Variants in VPS13D observed in about 807,000 individuals in gnomAD.
VPS13D encodes the protein vacuolar protein sorting 13 homolog D.
VPS13D carries 187 observed loss-of-function variants against 461.9 expected under a neutral mutation model. That is an observed-to-expected ratio of 0.40 (90% CI 0.36 to 0.46). The LOEUF is 0.46. Among genes scored for constraint, VPS13D ranks in the 20% least tolerant of loss-of-function variants. The pLI is 0.60. For missense variants in VPS13D, 4,711 were observed against 5,364.9 expected, an observed-to-expected ratio of 0.88 and a Z score of 3.81; for synonymous variants, 1,951 against 1,986.3, an observed-to-expected ratio of 0.98 and a Z score of 0.47.
chr1:12,459,948 A>ATTT (rs779399019), intron 66 of VPS13D, among the ~76,000 whole-genome samples: 1 of 122,130 alleles, frequency 8.2e-6, no homozygotes, highest in Non-Finnish European at 1.7e-5. Flanking sequence ...CTTTTCTCTG[A>ATTT]TTTTTTTTTT....
At chr1:12,373,932 A>G (rs943143234) in intron 55 of VPS13D, 74 bp downstream of exon 55, 38 of 1,173,336 alleles carry the variant, frequency 3.2e-5, no homozygotes, top group Non-Finnish European at 4.5e-5. Context: ...CACCCAGTGC[A>G]GAGTCCTTAT....
At chr1:12,444,342 T>C (rs998382621) in intron 65 of VPS13D, among the ~76,000 whole-genome samples, 1 of 152,214 alleles carries the variant, frequency 6.6e-6, no homozygotes, top group Non-Finnish European at 1.5e-5. Context: ...TTTTAGTTTC[T>C]ATTAATAATA....
chr1:12,244,894 G>C (rs1044871728), intron 5 of VPS13D, among the ~76,000 whole-genome samples: 1 of 152,112 alleles, frequency 6.6e-6, no homozygotes, highest in Non-Finnish European at 1.5e-5. Flanking sequence ...CTTTCTTTTT[G>C]AATGTTGGAA....
chr1:12,493,951 TG>T (rs1274589036), intron 67 of VPS13D, among the ~76,000 whole-genome samples: 2 of 151,756 alleles, frequency 1.3e-5, no homozygotes, highest in Non-Finnish European at 1.5e-5. Context: ...GATACAGGAG[TG>T]GGGGGAAAAT....
chr1:12,311,346 A>T, intron 27 of VPS13D, 108 bp from the exon 28 acceptor site: 1 of 986,920 alleles, frequency 1.0e-6, no homozygotes, highest in Non-Finnish European at 1.4e-6. Flanking sequence ...GGAATTACCT[A>T]CTTGATAATG....
At chr1:12,404,055 T>TTGTG in intron 63 of VPS13D, 82 bp downstream of exon 63, 15 of 1,344,058 alleles carry the variant, frequency 1.1e-5, no homozygotes, top group Non-Finnish European at 1.3e-5. Context: ...TTGTTTGTTG[T>TTGTG]TGTGTGTGTG....
Position 12,356,414 on chromosome 1 carries a change from C to T in VPS13D, c.9888C>T (p.Phe3296=), listed in dbSNP as rs147123554. 27 of 1,613,734 alleles carry T rather than the reference C, an allele frequency of 1.7e-5. No individual in the cohort carries two copies. Among genetic ancestry groups the T allele is most frequent in the Middle Eastern group, 3.3e-4 (2 of 5,992 alleles). ...TTCCTAAAGGGTTGCCACTGATCTT[C>T]AGACAGGACAATGCCAAGACAGATG... ...LINKTGLPLI[F]RQDNAKTDAA... The change falls in exon 49 of 70, where the codon TTC becomes TTT. Residue 3296 remains phenylalanine (F), a synonymous_variant. Coordinates refer to ENST00000620676, the MANE Select transcript of VPS13D (RefSeq NM_015378.4).
chr1:12,314,051 T>C (rs886291673), intron 29 of VPS13D, 64 bp from the exon 30 acceptor site: 49 of 1,462,842 alleles, frequency 3.3e-5, no homozygotes, highest in African/African-American at 2.2e-4. Context: ...CTCGAACTTA[T>C]ATACTTTTGT....
At chr1:12,447,071 G>A (rs2100363913) in intron 65 of VPS13D, among the ~76,000 whole-genome samples, 1 of 152,288 alleles carries the variant, frequency 6.6e-6, no homozygotes. Flanking sequence ...AAGAACACTG[G>A]AGCCTGACTC....
chr1:12,487,361 A>C (rs540303928), intron 67 of VPS13D, among the ~76,000 whole-genome samples: 10 of 152,284 alleles, frequency 6.6e-5, no homozygotes, highest in African/African-American at 1.9e-4. Context: ...TGTAATCCCC[A>C]GCACTTTGGG....
chr1:12,422,274 A>G (rs1644874001), intron 65 of VPS13D, among the ~76,000 whole-genome samples: 1 of 152,306 alleles, frequency 6.6e-6, no homozygotes, highest in East Asian at 1.9e-4. Flanking sequence ...TTATTTTCAT[A>G]GTGGTTATTT....
intron 20 of VPS13D, among the ~76,000 whole-genome samples, chr1:12,281,967 G>A (rs1324710451): frequency 3.3e-5 from 5 of 150,846 alleles, no homozygotes; most frequent in African/African-American, 1.2e-4. Flanking sequence ...AGCTCACTGT[G>A]TCCTGCACCT....
At chr1:12,378,700 T>A in intron 56 of VPS13D, 109 bp downstream of exon 56, 3 of 1,202,756 alleles carry the variant, frequency 2.5e-6, no homozygotes, top group Non-Finnish European at 3.3e-6. Flanking sequence ...AAATGTATAT[T>A]TTTTTCAATG....
At chr1:12,454,355 G>C (rs990291314) in intron 65 of VPS13D, among the ~76,000 whole-genome samples, 1 of 152,224 alleles carries the variant, frequency 6.6e-6, no homozygotes, top group Non-Finnish European at 1.5e-5. Flanking sequence ...TTGCAGCGTC[G>C]TGTGGTGTTT....
intron 5 of VPS13D, among the ~76,000 whole-genome samples, chr1:12,245,740 A>G (rs1640530435): frequency 6.6e-6 from 1 of 151,608 alleles, no homozygotes; most frequent in African/African-American, 2.4e-5. Flanking sequence ...TTAAAAAAAA[A>G]ATAATAATTT....
chr1:12,273,367 T>C (rs1459013610), intron 18 of VPS13D, among the ~76,000 whole-genome samples: 1 of 152,218 alleles, frequency 6.6e-6, no homozygotes. Context: ...TTACATAACA[T>C]TTTAAGACCT....
chr1:12,497,859 G>T (rs1645981379), intron 68 of VPS13D, among the ~76,000 whole-genome samples: 1 of 152,214 alleles, frequency 6.6e-6, no homozygotes, highest in Non-Finnish European at 1.5e-5. Context: ...TGGCCTTAGT[G>T]TTTTGTTTCT....
rs759690419 is a variant in VPS13D, at chr1:12,412,935, ACTC to A, written c.12031-2149_12031-2147del. On this transcript the variant is annotated intron_variant, in intron 63 of 69. Coordinates refer to ENST00000620676, the MANE Select transcript of VPS13D (RefSeq NM_015378.4). Reference sequence around the variant, plus strand: ...GACTTGGTATACAGAATATATAAGAACTCCTACAAAGCAGTAAGAAATAAAAAA... The same window carrying A: ...GACTTGGTATACAGAATATATAAGAACTACAAAGCAGTAAGAAATAAAAAA... Among the ~76,000 whole-genome samples, 58 of 152,290 alleles carry A rather than the reference ACTC, an allele frequency of 3.8e-4. No individual in the cohort carries two copies. In the East Asian group the frequency reaches 9.6e-3, roughly 25 times the overall value.
At chr1:12,292,585 A>G (rs917734337) in intron 23 of VPS13D, among the ~76,000 whole-genome samples, 2 of 151,838 alleles carry the variant, frequency 1.3e-5, no homozygotes, top group African/African-American at 2.4e-5. Flanking sequence ...GACCACAGGC[A>G]TGCACCATCA....
Sources: allele counts gnomAD v4.1 joint callset (sites outside exome capture counted in the v4.1 genomes callset), GRCh38; gene constraint gnomAD v4.1.1; transcripts MANE v1.5; gene names NCBI Gene and HGNC (gene_info 2026-07-23, HGNC 2026-07-21).